Variants in DDX4 observed in about 807,000 individuals in gnomAD.
DDX4 encodes the protein DEAD-box helicase 4.
A neutral mutation model predicts 100.0 loss-of-function variants in DDX4; 25 were observed. The observed-to-expected ratio is 0.25, with a 90% CI of 0.18 to 0.35. The LOEUF (loss-of-function observed/expected upper bound fraction) is 0.35. DDX4 is among the 10% of genes least tolerant of loss of function. The pLI, the probability that DDX4 is intolerant of heterozygous loss-of-function variation, is 1.00. For missense variants in DDX4, 635 were observed against 882.4 expected (o/e 0.72, Z 3.55); for synonymous variants, 259 against 275.7 (o/e 0.94, Z 0.60).
At chr5:55,794,873 T>C (rs886551121) in intron 17 of DDX4, among the ~76,000 whole-genome samples, 3 of 152,180 alleles carry the variant, frequency 2.0e-5, no homozygotes, top group African/African-American at 7.2e-5. Context: ...CCCTGAGTTA[T>C]GATATATCCG....
intron 18 of DDX4, among the ~76,000 whole-genome samples, chr5:55,798,995 C>T (rs1743135650): frequency 6.6e-6 from 1 of 152,118 alleles, no homozygotes; most frequent in Non-Finnish European, 1.5e-5. Flanking sequence ...CTAAAAGGGG[C>T]TTAAGATCTA....
intron 7 of DDX4, among the ~76,000 whole-genome samples, chr5:55,771,778 G>T (rs1741267052): frequency 6.6e-6 from 1 of 151,898 alleles, no homozygotes; most frequent in Non-Finnish European, 1.5e-5. Context: ...CTATTTTTTT[G>T]GACTAATGGA....
At chr5:55,785,422 T>G in intron 11 of DDX4, 25 bp from the exon 12 acceptor site, 1 of 1,601,520 alleles carries the variant, frequency 6.2e-7, no homozygotes, top group Admixed American at 1.7e-5. Context: ...AACATGTATC[T>G]CTTTTTTATT....
At chr5:55,779,195 CT>C (rs1741754902) in intron 7 of DDX4, among the ~76,000 whole-genome samples, 1 of 152,126 alleles carries the variant, frequency 6.6e-6, no homozygotes, top group Non-Finnish European at 1.5e-5. Context: ...TGTTCTTTTA[CT>C]TTCATGAAAA....
chr5:55,760,488 T>G (rs1740459623), intron 4 of DDX4, among the ~76,000 whole-genome samples: 1 of 152,112 alleles, frequency 6.6e-6, no homozygotes, highest in African/African-American at 2.4e-5. Flanking sequence ...TTAAGTTGAT[T>G]AGACAGATTG....
rs1744425118 is a variant in DDX4 at position 55,816,443 on chromosome 5, T to C, written c.2098-20T>C. The C allele has an allele frequency of 6.4e-7, 1 of 1,557,644 alleles. No individual in the cohort carries two copies. The highest frequency in any genetic ancestry group is 1.2e-5 in the South Asian group (1 of 82,224). ...AAATGTTTGTTTGTTTCTTTTTTTT[T>C]TTTTTTAAATAATTACCAGGGCAAG... On this transcript the variant is annotated intron_variant, in intron 21 of 21. Transcript: ENST00000505374.
intron 3 of DDX4, among the ~76,000 whole-genome samples, chr5:55,752,883 G>A (rs1444464459): frequency 2.7e-5 from 4 of 150,384 alleles, no homozygotes; most frequent in Non-Finnish European, 4.4e-5. Context: ...ATTCTAACTG[G>A]TGTGAGATGG....
At position 55,786,579 on chromosome 5, in the gene DDX4, C is replaced by T; in HGVS notation, c.926C>T (p.Thr309Ile). 1 of 1,612,338 alleles carries T rather than the reference C, an allele frequency of 6.2e-7. No individual in the cohort carries two copies. The highest frequency in any genetic ancestry group is 8.5e-7 in the Non-Finnish European group (1 of 1,178,432). The change falls in exon 14 of 22, where the codon ACT (threonine) becomes ATT (isoleucine). Residue 309 changes from threonine (T) to isoleucine (I), a missense_variant. This residue lies in a region of DDX4 where 446 missense variants were observed against 540.8 expected (regional missense o/e 0.82). Coordinates refer to ENST00000505374, the MANE Select transcript of DDX4 (RefSeq NM_024415.3). ...AACAACATTGCTAAAGCTGGTTATA[C>T]TAAGCTTACTCCTGTGCAAAAATAC... ...LNNNIAKAGY[T>I]KLTPVQKYSI...
At chr5:55,756,225 A>G (rs866075294) in intron 3 of DDX4, among the ~76,000 whole-genome samples, 2 of 152,334 alleles carry the variant, frequency 1.3e-5, no homozygotes, top group East Asian at 1.9e-4. Context: ...TTGGCAGAAC[A>G]GTAGCATTGG....
intron 3 of DDX4, among the ~76,000 whole-genome samples, chr5:55,753,262 A>G (rs1029812868): frequency 6.6e-6 from 1 of 152,164 alleles, no homozygotes; most frequent in African/African-American, 2.4e-5. Flanking sequence ...TATGTCCTGA[A>G]TGGTAATGCC....
intron 8 of DDX4, among the ~76,000 whole-genome samples, chr5:55,780,311 A>G (rs1000365149): frequency 1.3e-5 from 2 of 152,198 alleles, no homozygotes; most frequent in Non-Finnish European, 2.9e-5. Flanking sequence ...TTAATATTAC[A>G]TACTGTTCAT....
At position 55,792,800 on chromosome 5, in the gene DDX4, A is replaced by G; in HGVS notation, c.1462A>G (p.Ile488Val). 7.1e-7 allele frequency: 1 copy of G among 1,408,780 alleles called. No individual in the cohort carries two copies. The highest frequency in any genetic ancestry group is 9.3e-7 in the Non-Finnish European group (1 of 1,077,118). 87.3% of individuals were successfully genotyped at this position (1,408,780 alleles called of 1,614,324 possible). A position where few individuals can be genotyped will look rare whatever the true frequency, so the allele number is the denominator to read the frequency against. The change falls in exon 17 of 22, where the codon ATT becomes GTT. Residue 488 changes from isoleucine to valine, a missense_variant. By Grantham distance (29) the Ile-to-Val change is conservative. Coordinates refer to ENST00000505374, the MANE Select transcript of DDX4 (RefSeq NM_024415.3). ...GTTCAGTGCAACTTTTCCAGAGGAA[A>G]TTCAAAGGTTAAGTTTTTTTCTTAA... is the stretch of plus-strand genomic sequence containing the variant. ...LMFSATFPEEIQRLAAEFLKS... is the reference protein window; with the variant it reads ...LMFSATFPEEVQRLAAEFLKS...
At chr5:55,797,691 T>G (rs1743050537) in intron 17 of DDX4, among the ~76,000 whole-genome samples, 1 of 152,194 alleles carries the variant, frequency 6.6e-6, no homozygotes, top group Admixed American at 6.5e-5. Context: ...AAACTCATCT[T>G]TCTCATTAGC....
intron 7 of DDX4, among the ~76,000 whole-genome samples, chr5:55,770,235 T>C (rs1321552753): frequency 1.3e-5 from 2 of 152,070 alleles, no homozygotes; most frequent in Non-Finnish European, 2.9e-5. Context: ...ATCTCCAGAA[T>C]GTGCTATCAA....
intron 2 of DDX4, among the ~76,000 whole-genome samples, chr5:55,744,059 C>T (rs1197175767): frequency 6.6e-6 from 1 of 151,822 alleles, no homozygotes; most frequent in Non-Finnish European, 1.5e-5. Flanking sequence ...CTTTTTTTTA[C>T]TGTAGCAATT....
rs185708184 is a variant in DDX4, at chr5:55,808,669, C to T, written c.1616-5004C>T. ...CAGCAGATATTGCTACCTGATCGTT[C>T]CTCTGGAAGTTTTGTCTCAGAGGAG... On this transcript the variant is annotated intron_variant, in intron 18 of 21. Coordinates refer to ENST00000505374, the MANE Select transcript of DDX4 (RefSeq NM_024415.3). Among the ~76,000 whole-genome samples, 439 of 152,336 alleles carry T rather than the reference C, an allele frequency of 2.9e-3. 4 individuals are homozygous for T. Among genetic ancestry groups the T allele is most frequent in the African/African-American group, 0.01 (421 of 41,582 alleles).
At chr5:55,767,791 T>A in intron 6 of DDX4, 90 bp from the exon 7 acceptor site, 1 of 862,856 alleles carries the variant, frequency 1.2e-6, no homozygotes, top group South Asian at 2.1e-5. Context: ...TTTGTCTTCT[T>A]ACTAATTTAT....
intron 4 of DDX4, among the ~76,000 whole-genome samples, chr5:55,762,781 TAA>T (rs906528376): frequency 1.3e-5 from 2 of 151,850 alleles, no homozygotes; most frequent in African/African-American, 4.8e-5. Flanking sequence ...AATAGAAAAA[TAA>T]AAAATAGAAC....
At chr5:55,809,954 A>G (rs1024056034) in intron 18 of DDX4, among the ~76,000 whole-genome samples, 1 of 152,208 alleles carries the variant, frequency 6.6e-6, no homozygotes, top group Non-Finnish European at 1.5e-5. Flanking sequence ...AATTTTGAGC[A>G]GTGTTTCTCC....
Sources: allele counts gnomAD v4.1 joint callset (sites outside exome capture counted in the v4.1 genomes callset), GRCh38; gene constraint gnomAD v4.1.1; regional missense constraint gnomAD v4.1.1; transcripts MANE v1.5; gene names NCBI Gene and HGNC (gene_info 2026-07-23, HGNC 2026-07-21).